Variants in LDLRAD4 observed in about 807,000 individuals in gnomAD.
LDLRAD4 encodes low-density lipoprotein receptor class A domain-containing protein 4.
A neutral mutation model predicts 17.0 loss-of-function variants in LDLRAD4; 5 were observed. The ratio of observed to expected loss-of-function variants is 0.29; its 90% CI spans 0.15 to 0.62. The LOEUF (loss-of-function observed/expected upper bound fraction) is 0.62, where lower values mean the gene tolerates loss of function less well. LDLRAD4 is among the 20% of genes least tolerant of loss of function. The pLI is 0.84. For synonymous variants in LDLRAD4, 168 were observed against 171.8 expected (o/e 0.98, Z 0.17); for missense variants, 340 against 424.7 (o/e 0.80, Z 1.75).
chr18:13,489,623 T>G (rs1214283328), intron 3 of LDLRAD4: 1 of 152,168 alleles, frequency 6.6e-6, no homozygotes, highest in Non-Finnish European at 1.5e-5. Flanking sequence ...CCACACCCTG[T>G]TTTTCAGGGT....
intron 1 of LDLRAD4, among the ~76,000 whole-genome samples, chr18:13,329,589 A>G (rs1052346812): frequency 7.2e-5 from 11 of 152,206 alleles, no homozygotes; most frequent in African/African-American, 2.7e-4. Flanking sequence ...CATCTTTCAA[A>G]ATTATAAAGG....
intron 1 of LDLRAD4, among the ~76,000 whole-genome samples, chr18:13,315,730 G>A (rs1165120165): frequency 2.0e-5 from 3 of 149,798 alleles, no homozygotes; most frequent in Non-Finnish European, 4.4e-5. Context: ...GTTGTGGTGA[G>A]CTGAGATCAT....
At chr18:13,632,694 T>C (rs544351478) in intron 4 of LDLRAD4, among the ~76,000 whole-genome samples, 45 of 152,372 alleles carry the variant, frequency 3.0e-4, no homozygotes, top group Middle Eastern at 3.4e-3. Flanking sequence ...GCCCTGTTTA[T>C]GTTACAGCTC....
chr18:13,224,837 T>C (rs1379885714), intron 1 of LDLRAD4, among the ~76,000 whole-genome samples: 1 of 151,696 alleles, frequency 6.6e-6, no homozygotes, highest in Non-Finnish European at 1.5e-5. Flanking sequence ...TCTCTTTTTT[T>C]TTTTTTTCTT....
chr18:13,342,113 A>C (rs2082404283), intron 1 of LDLRAD4, among the ~76,000 whole-genome samples: 1 of 152,006 alleles, frequency 6.6e-6, no homozygotes, highest in Non-Finnish European at 1.5e-5. Context: ...AATCCTTTTA[A>C]TATGCTTCTG....
intron 1 of LDLRAD4, among the ~76,000 whole-genome samples, chr18:13,303,965 A>G (rs1033689602): frequency 6.6e-6 from 1 of 152,216 alleles, no homozygotes; most frequent in Non-Finnish European, 1.5e-5. Flanking sequence ...GTGTTGGTAG[A>G]CAGTGCAGTT....
chr18:13,443,176 T>C (rs1600304871), intron 3 of LDLRAD4, among the ~76,000 whole-genome samples: 2 of 152,274 alleles, frequency 1.3e-5, no homozygotes, highest in East Asian at 3.9e-4. Context: ...CCAAATAAAA[T>C]AAAATCCAAC....
intron 1 of LDLRAD4, among the ~76,000 whole-genome samples, chr18:13,340,450 G>C (rs1358576324): frequency 1.3e-5 from 2 of 151,924 alleles, no homozygotes. Context: ...AAGTAGCCAC[G>C]TTAATATGTT....
intron 1 of LDLRAD4, among the ~76,000 whole-genome samples, chr18:13,224,049 T>C (rs2041614349): frequency 6.6e-6 from 1 of 152,244 alleles, no homozygotes; most frequent in African/African-American, 2.4e-5. Flanking sequence ...TTCAGGGTTT[T>C]GTCCTTCTTG....
At chr18:13,477,244 A>T (rs1328475923) in intron 3 of LDLRAD4, among the ~76,000 whole-genome samples, 3 of 152,202 alleles carry the variant, frequency 2.0e-5, no homozygotes, top group Admixed American at 6.5e-5. Flanking sequence ...GCCTAAAAAA[A>T]GCTGGGGCCC....
chr18:13,612,656 G>C (rs781215075), intron 3 of LDLRAD4: 2 of 1,613,276 alleles, frequency 1.2e-6, no homozygotes, highest in South Asian at 1.1e-5. Flanking sequence ...TGCTTTGAAC[G>C]TGGGGGGGCT....
chr18:13,368,108 C>T (rs1055232413), intron 1 of LDLRAD4, among the ~76,000 whole-genome samples: 1 of 152,012 alleles, frequency 6.6e-6, no homozygotes, highest in Non-Finnish European at 1.5e-5. Flanking sequence ...GGGGGTGGTG[C>T]GAGTGAGCCT....
At position 13,640,980 on chromosome 18, in the gene LDLRAD4, G is replaced by A. The variant is rs77970805; in HGVS notation, c.337-2379G>A. On this transcript the variant is annotated intron_variant, in intron 4 of 5. Coordinates refer to ENST00000359446, the Ensembl canonical transcript of LDLRAD4. ...GTGCAGAGGTGCAGCACCAGCATACGGGTGGATTTGGGACTCTAAAATGGC... is the reference window on the plus strand; with the variant it reads ...GTGCAGAGGTGCAGCACCAGCATACAGGTGGATTTGGGACTCTAAAATGGC... 1.2e-3 allele frequency among the ~76,000 whole-genome samples: 184 copies of A among 152,332 alleles called. 1 individual carries two copies. The highest frequency in any genetic ancestry group is 4.0e-3 in the African/African-American group (168 of 41,572).
At chr18:13,563,117 T>G (rs988558841) in intron 3 of LDLRAD4, 3 of 152,250 alleles carry the variant, frequency 2.0e-5, no homozygotes, top group African/African-American at 7.2e-5. Context: ...CCTGAAGCTT[T>G]ACTATTTCTT....
At chr18:13,273,385 CA>C (rs914277045), upstream of LDLRAD4, among the ~76,000 whole-genome samples, 28 of 152,168 alleles carry the variant, frequency 1.8e-4, no homozygotes, top group Non-Finnish European at 2.4e-4. Context: ...ACTGCAGCCT[CA>C]AACTCCTGGG....
intron 1 of LDLRAD4, among the ~76,000 whole-genome samples, chr18:13,358,657 C>A (rs903372295): frequency 7.2e-5 from 11 of 152,140 alleles, no homozygotes; most frequent in Non-Finnish European, 1.5e-4. Context: ...ACGAAAACTA[C>A]TAATTCTACC....
chr18:13,642,582 G>T, intron 4 of LDLRAD4: 5 of 1,228,794 alleles, frequency 4.1e-6, no homozygotes, highest in Non-Finnish European at 5.1e-6. Context: ...CCTGAGCCCA[G>T]GCTCGGAAAG....
chr18:13,621,128 T>G lies in LDLRAD4; in HGVS notation c.193T>G (p.Phe65Val), dbSNP rs200983599. 1 of 1,613,992 alleles carries G rather than the reference T, an allele frequency of 6.2e-7. No homozygotes were observed. The highest frequency in any genetic ancestry group is 8.5e-7 in the Non-Finnish European group (1 of 1,179,980). The change falls in exon 4 of 6, where the codon TTC (phenylalanine) becomes GTC (valine). Residue 65 changes from phenylalanine (F) to valine (V), a missense_variant. Physicochemically the swap from Phe to Val is conservative, Grantham distance 50 (BLOSUM62 -1). Transcript: ENST00000359446. This position sits in a 1 kb window ranked among gnomAD's most constrained non-coding sequence, Gnocchi z 5.5. ...CTCTTCCATGGCAGCGGAGCTGGAG[T>G]TCGCCCAAATCATCATCATCGTCGT...
chr18:13,412,897 A>G (rs541511349), intron 2 of LDLRAD4, among the ~76,000 whole-genome samples: 1 of 152,212 alleles, frequency 6.6e-6, no homozygotes, highest in Non-Finnish European at 1.5e-5. Context: ...TTATTGATCT[A>G]TGAACCGAGC....
Sources: gnomAD v4.1 joint callset for allele counts (sites outside exome capture counted in the v4.1 genomes callset) on GRCh38, gnomAD v4.1.1 for gene constraint, Gnocchi (gnomAD v3.1) non-coding constraint, MANE v1.5 for transcripts, NCBI Gene and HGNC (gene_info 2026-07-23, HGNC 2026-07-21) for gene names.